Variants in ZBBX observed in about 807,000 individuals in gnomAD.
ZBBX encodes zinc finger B-box domain containing.
ZBBX carries 101 observed loss-of-function variants against 108.5 expected under a neutral mutation model. The observed-to-expected ratio is 0.93, with a 90% confidence interval of 0.79 to 1.10. The LOEUF (loss-of-function observed/expected upper bound fraction) is 1.10, where lower values mean the gene tolerates loss of function less well. ZBBX is among the 50% of genes least tolerant of loss of function. ZBBX has a pLI of 0.00. For missense variants in ZBBX, 1,009 were observed against 941.4 expected (o/e 1.07, Z -0.94); for synonymous variants, 356 against 323.4 (o/e 1.10, Z -1.08).
At chr3:167,393,791 G>A (rs1173190387) in intron 1 of ZBBX, among the ~76,000 whole-genome samples, 1 of 151,808 alleles carries the variant, frequency 6.6e-6, no homozygotes, top group Non-Finnish European at 1.5e-5. Context: ...TAGATTACAA[G>A]TCACAACTAA....
the ZBBX span, among the ~76,000 whole-genome samples, chr3:167,222,211 T>C: frequency 1.4e-5 from 1 of 70,840 alleles, no homozygotes; most frequent in African/African-American, 5.9e-5. Context: ...CATAATGGAG[T>C]ACTATTTGGC....
the ZBBX span, among the ~76,000 whole-genome samples, chr3:167,209,639 AC>A: frequency 6.6e-6 from 1 of 152,250 alleles, no homozygotes; most frequent in African/African-American, 2.4e-5. Flanking sequence ...GATAGCAAAG[AC>A]TACAATAAAT....
chr3:167,260,354 G>C (rs768142090), intron 20 of ZBBX, among the ~76,000 whole-genome samples: 1 of 152,128 alleles, frequency 6.6e-6, no homozygotes, highest in Non-Finnish European at 1.5e-5. Context: ...TGTTCTTTCT[G>C]CTTCTTGTAT....
chr3:167,218,473 C>T, the ZBBX span, among the ~76,000 whole-genome samples: 1 of 151,892 alleles, frequency 6.6e-6, no homozygotes, highest in South Asian at 2.1e-4. Flanking sequence ...AGTTAAAATG[C>T]CAGGGAATTG....
the ZBBX span, among the ~76,000 whole-genome samples, chr3:167,192,643 A>G: frequency 6.6e-6 from 1 of 152,062 alleles, no homozygotes; most frequent in Non-Finnish European, 1.5e-5. Flanking sequence ...TCTCTATCTT[A>G]TAGGTAATAT....
At chr3:167,188,865 C>T in the ZBBX span, among the ~76,000 whole-genome samples, 4 of 152,200 alleles carry the variant, frequency 2.6e-5, no homozygotes, top group South Asian at 8.3e-4. Flanking sequence ...CATATTACAA[C>T]AAAGCTGGGG....
At chr3:167,187,793 T>G in the ZBBX span, among the ~76,000 whole-genome samples, 6 of 152,084 alleles carry the variant, frequency 3.9e-5, no homozygotes, top group African/African-American at 1.2e-4. Flanking sequence ...AATGTTGGAG[T>G]TGGACATAAC....
intron 1 of ZBBX, among the ~76,000 whole-genome samples, chr3:167,401,670 C>T (rs1669166179): frequency 6.6e-6 from 1 of 152,096 alleles, no homozygotes; most frequent in Non-Finnish European, 1.5e-5. Flanking sequence ...TCATCACCAT[C>T]TTGGTTTTGG....
intron 9 of ZBBX, among the ~76,000 whole-genome samples, chr3:167,339,269 T>A (rs1740121370): frequency 6.6e-6 from 1 of 152,104 alleles, no homozygotes; most frequent in African/African-American, 2.4e-5. Context: ...TTAGCTTAAG[T>A]TCTGACTGTT....
intron 10 of ZBBX, among the ~76,000 whole-genome samples, 190 bp from the exon 11 acceptor site, chr3:167,328,306 A>G (rs1019332703): frequency 6.6e-6 from 1 of 151,986 alleles, no homozygotes; most frequent in Non-Finnish European, 1.5e-5. Context: ...GTTATTTAAA[A>G]CTCTATTGGC....
the ZBBX span, among the ~76,000 whole-genome samples, chr3:167,220,254 A>T: frequency 6.6e-6 from 1 of 152,028 alleles, no homozygotes; most frequent in African/African-American, 2.4e-5. Context: ...TTTTGCCATA[A>T]CACCAAAATC....
the ZBBX span, among the ~76,000 whole-genome samples, chr3:167,211,968 C>A: frequency 6.6e-6 from 1 of 152,126 alleles, no homozygotes; most frequent in Non-Finnish European, 1.5e-5. Context: ...AGCACAGCTG[C>A]ACTATAAAAA....
At chr3:167,322,283 C>A (rs1031407367) in intron 11 of ZBBX, 46 bp from the exon 12 acceptor site, 3 of 1,402,020 alleles carry the variant, frequency 2.1e-6, no homozygotes, top group African/African-American at 3.0e-5. Flanking sequence ...AGCAAGTTTA[C>A]AAATTACTAT....
rs549073142 is a variant in ZBBX, at chr3:167,407,253, A to T, written c.-446+473T>A. Reference sequence around the variant, plus strand: ...TGTGAAAAATTAAACAGCATAAAATATCTCAAGTGTAAATACATTAACTTT... The same window carrying T: ...TGTGAAAAATTAAACAGCATAAAATTTCTCAAGTGTAAATACATTAACTTT... On this transcript the variant is annotated intron_variant, in intron 1 of 21. Transcript: ENST00000455345. 3.9e-5 allele frequency among the ~76,000 whole-genome samples: 6 copies of T among 152,330 alleles called. No individual in the cohort carries two copies. In the South Asian group the frequency reaches 1.2e-3, roughly 32 times the overall value.
chr3:167,305,465 C>T (rs1733464643), intron 17 of ZBBX, among the ~76,000 whole-genome samples, 178 bp downstream of exon 17: 1 of 152,038 alleles, frequency 6.6e-6, no homozygotes, highest in Admixed American at 6.6e-5. Context: ...TAGAATTTGT[C>T]CTAGAGGCCA....
intron 18 of ZBBX, among the ~76,000 whole-genome samples, chr3:167,296,248 G>A (rs1261045254): frequency 2.6e-5 from 4 of 151,940 alleles, no homozygotes; most frequent in Admixed American, 2.6e-4. Flanking sequence ...AAAGGGAAAT[G>A]CCTCTACACA....
the ZBBX span, among the ~76,000 whole-genome samples, chr3:167,203,002 A>G: frequency 6.6e-6 from 1 of 152,186 alleles, no homozygotes; most frequent in East Asian, 1.9e-4. Flanking sequence ...ATTTTTATTG[A>G]CATGGCAAAA....
At position 167,304,421 on chromosome 3, in the gene ZBBX, T is replaced by C. The variant is rs371893278; in HGVS notation, c.1725+1222A>G. ...CTGCTGAAATGCATGCTATGATCAA[T>C]CGTTTTCTTCACTGGGGGAACGAGA... On this transcript the variant is annotated intron_variant, in intron 17 of 21. Transcript: ENST00000675490. Among the ~76,000 whole-genome samples the C allele has an allele frequency of 1.7e-4, 26 of 152,306 alleles. 1 individual carries two copies. In the South Asian group the frequency reaches 5.4e-3, roughly 32 times the overall value.
At chr3:167,358,405 G>C (rs571887243) in intron 8 of ZBBX, among the ~76,000 whole-genome samples, 3 of 152,004 alleles carry the variant, frequency 2.0e-5, no homozygotes, top group Non-Finnish European at 4.4e-5. Context: ...TTGTTTAATG[G>C]ATACAGAGTT....
Sources: allele counts gnomAD v4.1 joint callset (sites outside exome capture counted in the v4.1 genomes callset), GRCh38; gene constraint gnomAD v4.1.1; transcripts MANE v1.5; gene names NCBI Gene and HGNC (gene_info 2026-07-23, HGNC 2026-07-21).